The following FAM135B variants were observed in gnomAD, a reference collection of about 807,000 sequenced individuals.
The protein encoded by FAM135B is family with sequence similarity 135 member B, also known as protein FAM135B.
A neutral mutation model predicts 127.7 loss-of-function variants in FAM135B; 43 were observed. The observed-to-expected ratio is 0.34, with a 90% CI of 0.26 to 0.43. FAM135B has a LOEUF of 0.43. Among genes scored for constraint, FAM135B ranks in the 20% least tolerant of loss-of-function variants. FAM135B has a pLI of 1.00. For missense variants in FAM135B, 1,558 were observed against 1,725.6 expected (o/e 0.90, Z 1.72); for synonymous variants, 670 against 665.1 (o/e 1.01, Z -0.11).
intron 7 of FAM135B, among the ~76,000 whole-genome samples, chr8:138,224,243 T>C (rs887392137): frequency 1.3e-5 from 2 of 152,126 alleles, no homozygotes; most frequent in East Asian, 1.9e-4. Context: ...TTGAAGAACA[T>C]TGATAATTGC....
At chr8:138,239,679 G>T (rs1820579356) in intron 7 of FAM135B, among the ~76,000 whole-genome samples, 1 of 152,106 alleles carries the variant, frequency 6.6e-6, no homozygotes, top group Non-Finnish European at 1.5e-5. Context: ...AAATCATGCT[G>T]CTATAAAGAC....
chr8:138,281,581 A>G (rs1398297), intron 3 of FAM135B, among the ~76,000 whole-genome samples: 125,553 of 151,848 alleles, frequency 0.83, 52,233 homozygotes, highest in Admixed American at 0.89. Context: ...ATGTTGTTCC[A>G]CTCCTCCCCC....
At chr8:138,171,716 G>A (rs1157186424) in intron 11 of FAM135B, among the ~76,000 whole-genome samples, 2 of 152,204 alleles carry the variant, frequency 1.3e-5, no homozygotes, top group Admixed American at 1.3e-4. Flanking sequence ...TGTGGGCAAT[G>A]AGGAAGCAGT....
chr8:138,493,578 A>T (rs971663010), intron 1 of FAM135B, among the ~76,000 whole-genome samples: 2 of 152,202 alleles, frequency 1.3e-5, no homozygotes, highest in African/African-American at 4.8e-5. Flanking sequence ...TGCTATGCAG[A>T]TAAGGCAGAT....
chr8:138,257,553 G>A (rs1586901898), intron 4 of FAM135B, among the ~76,000 whole-genome samples: 1 of 151,842 alleles, frequency 6.6e-6, no homozygotes, highest in Admixed American at 6.6e-5. Flanking sequence ...ACCAGATCTC[G>A]CCACCACCTC....
At chr8:138,206,432 T>C (rs1273038176) in intron 7 of FAM135B, among the ~76,000 whole-genome samples, 1 of 116,312 alleles carries the variant, frequency 8.6e-6, no homozygotes, top group East Asian at 2.9e-4. Context: ...TACACACAGC[T>C]CTATCATCCC....
At chr8:138,284,032 A>T (rs1018959081) in intron 3 of FAM135B, among the ~76,000 whole-genome samples, 9 of 152,044 alleles carry the variant, frequency 5.9e-5, no homozygotes, top group Admixed American at 5.9e-4. Context: ...GTATACGGGA[A>T]ATCTCTGGAC....
At chr8:138,387,314 C>A (rs1832277315) in intron 1 of FAM135B, among the ~76,000 whole-genome samples, 1 of 152,142 alleles carries the variant, frequency 6.6e-6, no homozygotes, top group Admixed American at 6.5e-5. Context: ...TAGCACCTCC[C>A]TGCAGCCACC....
At chr8:138,155,514 A>T (rs1818642353) in intron 12 of FAM135B, among the ~76,000 whole-genome samples, 1 of 152,200 alleles carries the variant, frequency 6.6e-6, no homozygotes, top group Non-Finnish European at 1.5e-5. Flanking sequence ...TTGGATAAAG[A>T]GTCAAGACCC....
intron 1 of FAM135B, among the ~76,000 whole-genome samples, chr8:138,394,796 A>C (rs1163065450): frequency 6.6e-6 from 1 of 152,186 alleles, no homozygotes; most frequent in East Asian, 1.9e-4. Flanking sequence ...TGGTGGAAGG[A>C]GACAGATCCC....
intron 11 of FAM135B, among the ~76,000 whole-genome samples, chr8:138,169,769 G>A (rs756601671): frequency 5.9e-5 from 9 of 152,198 alleles, no homozygotes; most frequent in Non-Finnish European, 1.2e-4. Context: ...CTTGATTTTA[G>A]GTCGAACAAG....
chr8:138,338,923 T>C (rs931180523), intron 2 of FAM135B, among the ~76,000 whole-genome samples: 1 of 151,900 alleles, frequency 6.6e-6, no homozygotes, highest in African/African-American at 2.4e-5. Context: ...TGGAATACTA[T>C]GCAGCCATAA....
intron 1 of FAM135B, among the ~76,000 whole-genome samples, chr8:138,410,252 G>T (rs1833781226): frequency 6.6e-6 from 1 of 152,184 alleles, no homozygotes; most frequent in East Asian, 1.9e-4. Flanking sequence ...ACACCCCTGA[G>T]ACTTCCCTGA....
chr8:138,423,477 G>A (rs55867611), intron 1 of FAM135B, among the ~76,000 whole-genome samples: 3,252 of 152,226 alleles, frequency 0.021, 56 homozygotes, highest in South Asian at 0.067. Context: ...TCACATGTCG[G>A]TAGGTTCCGT....
At chr8:138,397,768 G>A (rs954672389) in intron 1 of FAM135B, among the ~76,000 whole-genome samples, 6 of 152,234 alleles carry the variant, frequency 3.9e-5, no homozygotes, top group East Asian at 1.9e-4. Flanking sequence ...CAGAGCTCCC[G>A]TCCCTAGAAC....
chr8:138,362,776 C>T (rs1005890054), intron 2 of FAM135B, among the ~76,000 whole-genome samples: 1 of 152,134 alleles, frequency 6.6e-6, no homozygotes, highest in African/African-American at 2.4e-5. Context: ...AATATTTGAA[C>T]TGATGGTCAT....
intron 18 of FAM135B, among the ~76,000 whole-genome samples, chr8:138,137,893 C>T (rs1161402264): frequency 6.6e-6 from 1 of 152,178 alleles, no homozygotes; most frequent in African/African-American, 2.4e-5. Flanking sequence ...ACTACCCGGA[C>T]ACTCCATCTG....
intron 1 of FAM135B, among the ~76,000 whole-genome samples, chr8:138,390,413 T>C (rs148558876): frequency 2.1e-4 from 32 of 152,272 alleles, no homozygotes; most frequent in South Asian, 4.1e-4. Flanking sequence ...ATGTAAGATG[T>C]GCCTTTTGCC....
intron 1 of FAM135B, chr8:138,459,684 G>A (rs1404934675): frequency 6.6e-6 from 1 of 152,170 alleles, no homozygotes; most frequent in Non-Finnish European, 1.5e-5. Flanking sequence ...TCTGGACTGA[G>A]GTAGGGCTCA....
Sources: allele counts gnomAD v4.1 joint callset (sites outside exome capture counted in the v4.1 genomes callset), GRCh38; gene constraint gnomAD v4.1.1; transcripts MANE v1.5; gene names NCBI Gene and HGNC (gene_info 2026-07-23, HGNC 2026-07-21).